QTGAL: variants seen among roughly 807,000 people sequenced by gnomAD.
QTGAL encodes queuosine-tRNA galactosyltransferase.
chr17:83,029,065 G>T, the QTGAL span, among the ~76,000 whole-genome samples: 161 of 152,380 alleles, frequency 1.1e-3, no homozygotes, highest in African/African-American at 3.8e-3. Context: ...AGTGGCTGCC[G>T]TGGGGACCGG....
At chr17:83,050,761 G>A in the QTGAL span, among the ~76,000 whole-genome samples, 1 of 152,202 alleles carries the variant, frequency 6.6e-6, no homozygotes, top group Admixed American at 6.5e-5. Flanking sequence ...TAGGGCACGT[G>A]TTTGGGGTAA....
At chr17:82,946,538 A>C in the QTGAL span, among the ~76,000 whole-genome samples, 4 of 128,368 alleles carry the variant, frequency 3.1e-5, no homozygotes, top group Non-Finnish European at 7.0e-5. Flanking sequence ...GAAGGAGAAA[A>C]ACTTGACCCA....
the QTGAL span, among the ~76,000 whole-genome samples, chr17:83,033,908 G>A: frequency 6.6e-6 from 1 of 152,070 alleles, no homozygotes; most frequent in African/African-American, 2.4e-5. Flanking sequence ...GTCTGCTTCT[G>A]TCCTCTGCCT....
chr17:82,946,774 A>C, the QTGAL span: 2 of 930,978 alleles, frequency 2.1e-6, no homozygotes, highest in Non-Finnish European at 3.2e-6. Context: ...GCTGAACATA[A>C]GCAGAGGACT....
chr17:82,951,798 A>AGG, the QTGAL span, among the ~76,000 whole-genome samples: 2 of 25,618 alleles, frequency 7.8e-5, no homozygotes, highest in African/African-American at 1.6e-4. Flanking sequence ...AGGCCTGAGG[A>AGG]GGGGTGGGGT....
At chr17:83,026,835 A>G in the QTGAL span, among the ~76,000 whole-genome samples, 22 of 125,186 alleles carry the variant, frequency 1.8e-4, no homozygotes, top group South Asian at 2.8e-4. Context: ...GAGCCTGCAG[A>G]CAAACCCACC....
chr17:83,008,023 G>A, the QTGAL span, among the ~76,000 whole-genome samples: 11 of 152,266 alleles, frequency 7.2e-5, no homozygotes, highest in Admixed American at 3.9e-4. Flanking sequence ...TCCTCTGCAG[G>A]AGACCTCGCG....
At chr17:83,025,998 TTCTG>T in the QTGAL span, among the ~76,000 whole-genome samples, 1 of 152,226 alleles carries the variant, frequency 6.6e-6, no homozygotes, top group African/African-American at 2.4e-5. Flanking sequence ...CCTTGAAACT[TTCTG>T]TGAGTTCTGA....
chr17:83,043,036 A>G, the QTGAL span, among the ~76,000 whole-genome samples: 31,326 of 152,264 alleles, frequency 0.21, 3,374 homozygotes, highest in Non-Finnish European at 0.25. Context: ...TAAGTAAGGC[A>G]AAGATTGACT....
At chr17:83,038,599 C>G in the QTGAL span, among the ~76,000 whole-genome samples, 1 of 152,126 alleles carries the variant, frequency 6.6e-6, no homozygotes, top group East Asian at 1.9e-4. Context: ...TGTTTCACAC[C>G]TGTAATCCCA....
chr17:83,030,562 C>T, the QTGAL span, among the ~76,000 whole-genome samples: 1 of 152,228 alleles, frequency 6.6e-6, no homozygotes, highest in Non-Finnish European at 1.5e-5. Flanking sequence ...ACATCCCTGT[C>T]CCCTCGGTTC....
the QTGAL span, among the ~76,000 whole-genome samples, chr17:83,028,934 A>G: frequency 6.6e-6 from 1 of 152,218 alleles, no homozygotes; most frequent in Admixed American, 6.5e-5. Flanking sequence ...CCAATACACA[A>G]GCTGTAACGC....
chr17:82,956,549 T>TG, the QTGAL span: 1 of 926,898 alleles, frequency 1.1e-6, no homozygotes. This position sits in a 1 kb window ranked among gnomAD's most constrained non-coding sequence, Gnocchi z 5.7. Context: ...GGTGCTGTTG[T>TG]GGACGGCTGT....
the QTGAL span, among the ~76,000 whole-genome samples, chr17:83,030,418 TG>T: frequency 6.6e-6 from 1 of 152,166 alleles, no homozygotes; most frequent in East Asian, 1.9e-4. Flanking sequence ...AAAGGGCAGC[TG>T]TAGAGGTGGA....
At chr17:83,000,649 G>A in the QTGAL span, among the ~76,000 whole-genome samples, 1 of 152,268 alleles carries the variant, frequency 6.6e-6, no homozygotes, top group South Asian at 2.1e-4. Flanking sequence ...CTTTTTGTTA[G>A]TGTTTTCAGT....
At chr17:82,946,930 C>G in the QTGAL span, 2 of 1,569,594 alleles carry the variant, frequency 1.3e-6, no homozygotes, top group East Asian at 4.7e-5. Context: ...AGTCCTGGCC[C>G]TCCTGCAAGT....
the QTGAL span, among the ~76,000 whole-genome samples, chr17:82,999,368 C>T: frequency 6.6e-6 from 1 of 152,224 alleles, no homozygotes; most frequent in African/African-American, 2.4e-5. Flanking sequence ...AAATGTCCAT[C>T]TACAGCTAAG....
the QTGAL span, among the ~76,000 whole-genome samples, chr17:82,954,866 A>T: frequency 6.6e-6 from 1 of 152,208 alleles, no homozygotes; most frequent in Non-Finnish European, 1.5e-5. Context: ...AACCTAACAA[A>T]AACAAGCAAT....
the QTGAL span, among the ~76,000 whole-genome samples, chr17:83,018,858 A>G: frequency 6.6e-6 from 1 of 152,002 alleles, no homozygotes; most frequent in Admixed American, 6.6e-5. Context: ...GGCCGCACTG[A>G]CTCCAAATGA....
Sources: allele counts gnomAD v4.1 joint callset (sites outside exome capture counted in the v4.1 genomes callset), GRCh38; gene constraint gnomAD v4.1.1; non-coding constraint Gnocchi (gnomAD v3.1); transcripts MANE v1.5; gene names NCBI Gene and HGNC (gene_info 2026-07-23, HGNC 2026-07-21).